NSMCE1: variants seen among roughly 807,000 people sequenced by gnomAD.
NSMCE1 encodes the protein non-structural maintenance of chromosomes element 1 homolog.
Under a neutral mutation model 29.6 loss-of-function variants are expected in NSMCE1, and 18 were observed. The observed-to-expected ratio is 0.61, with a 90% CI of 0.42 to 0.90. NSMCE1 has a LOEUF of 0.90. Ranked by LOEUF, NSMCE1 falls within the 40% of genes least tolerant of loss-of-function variation. NSMCE1 has a pLI of 0.00. For synonymous variants in NSMCE1, 124 were observed against 133.4 expected, an observed-to-expected ratio of 0.93 and a Z score of 0.49; for missense variants, 314 against 343.6, an observed-to-expected ratio of 0.91 and a Z score of 0.68.
intron 2 of NSMCE1, among the ~76,000 whole-genome samples, chr16:27,244,548 C>G (rs975115616): frequency 5.3e-5 from 8 of 152,218 alleles, no homozygotes; most frequent in Admixed American, 1.3e-4. Flanking sequence ...CAAGCTCCTC[C>G]CCATCTCAGC....
intron 1 of NSMCE1, among the ~76,000 whole-genome samples, chr16:27,259,880 T>C (rs2084135844): frequency 6.6e-6 from 1 of 152,146 alleles, no homozygotes; most frequent in East Asian, 1.9e-4. Context: ...TGGAAACATA[T>C]CTTCTATGCT....
intron 2 of NSMCE1, among the ~76,000 whole-genome samples, chr16:27,239,001 C>A (rs2083859890): frequency 6.6e-6 from 1 of 152,118 alleles, no homozygotes; most frequent in African/African-American, 2.4e-5. Flanking sequence ...TCCCCAGGCA[C>A]TGGGACTACA....
At chr16:27,240,646 C>T (rs1400493949) in intron 2 of NSMCE1, among the ~76,000 whole-genome samples, 1 of 152,208 alleles carries the variant, frequency 6.6e-6, no homozygotes, top group Non-Finnish European at 1.5e-5. Flanking sequence ...CAATTGAAAA[C>T]GGGCCTCCAG....
intron 5 of NSMCE1, among the ~76,000 whole-genome samples, chr16:27,227,783 C>CTTT (rs1239133211): frequency 4.5e-5 from 3 of 65,962 alleles, no homozygotes; most frequent in African/African-American, 8.4e-5. Context: ...CTTTTCTTTT[C>CTTT]TTTTTTTTTT....
chr16:27,225,867 GAC>G (rs766571504), intron 6 of NSMCE1, 21 bp from the exon 7 acceptor site: 3 of 1,613,218 alleles, frequency 1.9e-6, no homozygotes, highest in Non-Finnish European at 2.5e-6. Context: ...AAAGGCCAAT[GAC>G]GGCGGAGCTG....
chr16:27,225,924 G>A, intron 6 of NSMCE1, 78 bp from the exon 7 acceptor site: 1 of 1,557,116 alleles, frequency 6.4e-7, no homozygotes, highest in South Asian at 1.1e-5. Flanking sequence ...AGCCACAAGG[G>A]AAATGGGCAG....
At chr16:27,230,383 G>A (rs529596391) in intron 5 of NSMCE1, among the ~76,000 whole-genome samples, 27 of 152,124 alleles carry the variant, frequency 1.8e-4, no homozygotes, top group East Asian at 9.6e-4. Flanking sequence ...CTCTCTGATC[G>A]AGGTGCTGCC....
In NSMCE1 at chr16:27,248,413, T is replaced by C. The variant is rs572683464; in HGVS notation, c.136+9022A>G. On this transcript the variant is annotated intron_variant, in intron 2 of 7. Coordinates refer to ENST00000361439, the MANE Select transcript of NSMCE1 (RefSeq NM_145080.4). ...CACTGCGGTTTTAGTTTGCTTTTTT[T>C]TTTTTTTTTTTTTTTTGAGACAGAG... 2.1e-3 allele frequency among the ~76,000 whole-genome samples: 294 copies of C among 143,350 alleles called. 3 individuals carry two copies. The highest frequency in any genetic ancestry group is 0.015 in the South Asian group (64 of 4,344). 94.0% of individuals were successfully genotyped at this position (143,350 alleles called of 152,430 possible).
chr16:27,255,371 C>A (rs1016922624), intron 2 of NSMCE1, among the ~76,000 whole-genome samples: 6 of 152,190 alleles, frequency 3.9e-5, no homozygotes, highest in Non-Finnish European at 7.3e-5. Flanking sequence ...AAGAGGGCCA[C>A]ACTGTCCGCA....
At chr16:27,233,773 TG>T (rs1359507927) in intron 4 of NSMCE1, among the ~76,000 whole-genome samples, 1 of 152,238 alleles carries the variant, frequency 6.6e-6, no homozygotes, top group Admixed American at 6.5e-5. Context: ...AAGGATTCAG[TG>T]GGCACCTGGC....
At chr16:27,242,740 C>T (rs2140998408) in intron 2 of NSMCE1, among the ~76,000 whole-genome samples, 1 of 152,338 alleles carries the variant, frequency 6.6e-6, no homozygotes, top group Middle Eastern at 3.4e-3. Flanking sequence ...GCTGTTCATA[C>T]ACATTTCATC....
At chr16:27,234,160 A>G (rs370865056) in intron 4 of NSMCE1, 28 bp downstream of exon 4, 1 of 1,465,096 alleles carries the variant, frequency 6.8e-7, no homozygotes, top group Non-Finnish European at 9.6e-7. Context: ...AAGCCCACCC[A>G]ATGGGCAATG....
At chr16:27,233,222 G>T in intron 4 of NSMCE1, 75 bp from the exon 5 acceptor site, 2 of 1,368,916 alleles carry the variant, frequency 1.5e-6, no homozygotes, top group Non-Finnish European at 2.0e-6. Context: ...TACCAAGTCT[G>T]GCAGAGGCAC....
intron 1 of NSMCE1, 48 bp from the exon 2 acceptor site, chr16:27,257,629 C>T (rs958073243): frequency 1.9e-4 from 293 of 1,503,874 alleles, no homozygotes; most frequent in Non-Finnish European, 2.5e-4. Context: ...ACATCAGAAG[C>T]AACGTCCTGG....
chr16:27,228,791 C>T (rs542067656), intron 5 of NSMCE1, among the ~76,000 whole-genome samples: 3 of 148,728 alleles, frequency 2.0e-5, no homozygotes, highest in Admixed American at 2.0e-4. Flanking sequence ...CCTCCAGATC[C>T]ATCATGGCAC....
At chr16:27,255,319 A>G (rs1468991475) in intron 2 of NSMCE1, among the ~76,000 whole-genome samples, 1 of 152,196 alleles carries the variant, frequency 6.6e-6, no homozygotes, top group Non-Finnish European at 1.5e-5. Flanking sequence ...GATGGTTCTC[A>G]AACCTAAAAC....
intron 4 of NSMCE1, among the ~76,000 whole-genome samples, chr16:27,233,550 G>A (rs1046381087): frequency 6.6e-6 from 1 of 152,210 alleles, no homozygotes; most frequent in African/African-American, 2.4e-5. Flanking sequence ...CCCAGGAGAA[G>A]ATCTAAAAGG....
In NSMCE1 at chr16:27,228,074, C is replaced by T. The variant is rs1008476993; in HGVS notation, c.484-1238G>A. ...TGCTGGGATTGCAGGCGTGAGTCAC[C>T]GCACCCAGCCCACTCCCGTTTCTGA... On this transcript the variant is annotated intron_variant, in intron 5 of 7. Coordinates refer to ENST00000361439, the MANE Select transcript of NSMCE1 (RefSeq NM_145080.4). Among the ~76,000 whole-genome samples, 25 of 152,216 alleles carry T rather than the reference C, an allele frequency of 1.6e-4. No homozygotes were observed. The East Asian group carries it at 4.4e-3, about 27-fold the overall frequency.
intron 2 of NSMCE1, chr16:27,241,927 A>G: frequency 2.4e-6 from 1 of 413,526 alleles, no homozygotes; most frequent in Non-Finnish European, 4.9e-6. Flanking sequence ...CTAGACCAGA[A>G]ATCAGATGTC....
Sources: gnomAD v4.1 joint callset for allele counts (sites outside exome capture counted in the v4.1 genomes callset) on GRCh38, gnomAD v4.1.1 for gene constraint, MANE v1.5 for transcripts, NCBI Gene and HGNC (gene_info 2026-07-23, HGNC 2026-07-21) for gene names.